RAI2: variants seen among roughly 807,000 people sequenced by gnomAD.
The protein encoded by RAI2 is retinoic acid-induced protein 2.
A neutral mutation model predicts 15.3 loss-of-function variants in RAI2; 5 were observed. The observed-to-expected ratio is 0.33, with a 90% confidence interval of 0.17 to 0.69. The LOEUF (loss-of-function observed/expected upper bound fraction) is 0.69, where lower values mean the gene tolerates loss of function less well. RAI2 is among the 30% of genes least tolerant of loss of function. RAI2 has a pLI of 0.69. For missense variants in RAI2, 424 were observed against 424.7 expected, an observed-to-expected ratio of 1.00 and a Z score of 0.01; for synonymous variants, 191 against 184.0, an observed-to-expected ratio of 1.04 and a Z score of -0.31.
chrX:17,832,485 C>T (rs764489697), intron 1 of RAI2, among the ~76,000 whole-genome samples: 6 of 112,012 alleles, frequency 5.4e-5, no homozygotes, highest in African/African-American at 1.6e-4. Context: ...TTCTGCCCAA[C>T]GACAAATGAC....
chrX:17,836,611 G>C (rs889467478), intron 1 of RAI2, among the ~76,000 whole-genome samples: 1 of 111,971 alleles, frequency 8.9e-6, no homozygotes, highest in African/African-American at 3.3e-5. Context: ...TATTTATTAT[G>C]GTCCTCCCCT....
intron 1 of RAI2, among the ~76,000 whole-genome samples, chrX:17,841,036 A>T (rs1460771970): frequency 8.9e-6 from 1 of 112,156 alleles, no homozygotes; most frequent in Non-Finnish European, 1.9e-5. Context: ...CCAGTCTGCA[A>T]ATAGCTGATG....
At position 17,802,049 on chromosome X, in the gene RAI2, A is replaced by G; in HGVS notation, c.-24-15T>C. On this transcript the variant is annotated splice_polypyrimidine_tract_variant and intron_variant, in intron 1 of 1. Transcript: ENST00000451717. ...TGCCACTTGGCCTGCAACACAGAAC[A>G]TACAATATGAATCTTCCTTAAAAGA... 2 of 1,155,149 alleles carry G rather than the reference A, an allele frequency of 1.7e-6. No homozygotes were observed. Among genetic ancestry groups the G allele is most frequent in the Non-Finnish European group, 2.3e-6 (2 of 865,648 alleles).
Position 17,801,234 on chromosome X carries a change from C to G in RAI2, c.777G>C (p.Lys259Asn). The stretch of plus-strand genomic sequence containing the variant: ...GTGGCTTGGGGAAACTGGAGCTGAA[C>G]TTGGATTCAGAACTCTGAGGCATCG... ...PIPMPQSSESKFSSSFPKPPS... is the reference protein window; with the variant it reads ...PIPMPQSSESNFSSSFPKPPS... Residue 259 changes from lysine (K) to asparagine (N), a missense_variant, in exon 2 of 2, where the codon AAG (lysine) becomes AAC (asparagine). By Grantham distance (94) the Lys-to-Asn change is moderately conservative (BLOSUM62 0). Coordinates refer to ENST00000451717, the MANE Select transcript of RAI2 (RefSeq NM_021785.6). 8.3e-7 allele frequency: 1 copy of G among 1,209,403 alleles called. No individual in the cohort carries two copies.
At chrX:17,844,094 C>T (rs915627722) in intron 1 of RAI2, among the ~76,000 whole-genome samples, 1 of 112,297 alleles carries the variant, frequency 8.9e-6, no homozygotes, top group African/African-American at 3.2e-5. Context: ...TTTGCTGATG[C>T]CGCTCCAGAC....
chrX:17,825,161 G>A (rs958957686), intron 1 of RAI2, among the ~76,000 whole-genome samples: 2 of 112,474 alleles, frequency 1.8e-5, no homozygotes, highest in Non-Finnish European at 1.9e-5. Context: ...GCAGTGGGGG[G>A]AAAAAAATCA....
chrX:17,822,879 A>AT (rs1279370626), intron 1 of RAI2, among the ~76,000 whole-genome samples: 1 of 112,541 alleles, frequency 8.9e-6, no homozygotes, highest in African/African-American at 3.2e-5. Flanking sequence ...AAGCTGTTGA[A>AT]TGATTCTCTT....
At chrX:17,843,963 T>C (rs778299091) in intron 1 of RAI2, among the ~76,000 whole-genome samples, 2 of 112,437 alleles carry the variant, frequency 1.8e-5, no homozygotes, top group Middle Eastern at 4.6e-3. Flanking sequence ...TTATTTCTTT[T>C]CCATTTCAGG....
At chrX:17,811,609 T>C (rs1432159799) in intron 1 of RAI2, among the ~76,000 whole-genome samples, 1 of 112,226 alleles carries the variant, frequency 8.9e-6, no homozygotes, top group East Asian at 2.8e-4. Flanking sequence ...TAGCAGGACA[T>C]TTTCCAGAGA....
chrX:17,800,249 A>G lies in RAI2; in HGVS notation c.*169T>C. On this transcript the variant is annotated 3_prime_UTR_variant, in exon 2 of 2. Transcript: ENST00000451717. Reference sequence around the variant, plus strand: ...ACTCATTTGTGAAAAGTCAAAAATTAAAAAAGAAAATGATACTAGCATACA... The same window carrying G: ...ACTCATTTGTGAAAAGTCAAAAATTGAAAAAGAAAATGATACTAGCATACA... The G allele has an allele frequency of 1.6e-6, 1 of 638,003 alleles. No homozygotes were observed. The highest frequency in any genetic ancestry group is 2.2e-6 in the Non-Finnish European group (1 of 455,073). 52.6% of individuals were successfully genotyped at this position (638,003 alleles called of 1,213,427 possible). A position where few individuals can be genotyped will look rare whatever the true frequency, so the allele number is the denominator to read the frequency against.
At chrX:17,856,876 G>A (rs907515641) in intron 1 of RAI2, among the ~76,000 whole-genome samples, 1 of 112,009 alleles carries the variant, frequency 8.9e-6, no homozygotes, top group African/African-American at 3.3e-5. Context: ...GTGTTCGTGT[G>A]TGTGTTCTTG....
At chrX:17,856,111 C>A (rs763926921) in intron 1 of RAI2, among the ~76,000 whole-genome samples, 1 of 112,096 alleles carries the variant, frequency 8.9e-6, no homozygotes, top group Non-Finnish European at 1.9e-5. Context: ...GCAGAGTGTG[C>A]TCCAAAGTTC....
intron 1 of RAI2, among the ~76,000 whole-genome samples, chrX:17,824,773 T>C (rs2067208252): frequency 8.9e-6 from 1 of 111,953 alleles, no homozygotes. Flanking sequence ...TTTCTGCAAA[T>C]GGGATGGATT....
At chrX:17,812,164 CCATTGGCAT>C (rs1046212738) in intron 1 of RAI2, among the ~76,000 whole-genome samples, 2 of 111,762 alleles carry the variant, frequency 1.8e-5, no homozygotes, top group African/African-American at 6.5e-5. Flanking sequence ...CATCATTGTG[CCATTGGCAT>C]CATTGGCATC....
In RAI2 at chrX:17,826,296, A is replaced by G. The variant is rs5955595; in HGVS notation, c.-24-24262T>C. On this transcript the variant is annotated intron_variant, in intron 1 of 1. Coordinates refer to ENST00000451717, the MANE Select transcript of RAI2 (RefSeq NM_021785.6). ...ACCATTTGGAACAGTCACCACCTCCATCCCAGTTTTCCTCTCTCATATCAG... is the reference window on the plus strand; with the variant it reads ...ACCATTTGGAACAGTCACCACCTCCGTCCCAGTTTTCCTCTCTCATATCAG... 9.6e-3 allele frequency among the ~76,000 whole-genome samples: 1,013 copies of G among 105,813 alleles called. 12 individuals carry two copies. The highest frequency in any genetic ancestry group is 0.032 in the African/African-American group (928 of 28,604). The allele number at this position is 105,813 out of a possible 115,157, so 91.9% of individuals were successfully genotyped here.
At chrX:17,822,337 G>C (rs1222171886) in intron 1 of RAI2, among the ~76,000 whole-genome samples, 1 of 111,987 alleles carries the variant, frequency 8.9e-6, no homozygotes, top group African/African-American at 3.3e-5. Flanking sequence ...GATAAAAACA[G>C]GAGAGAGACC....
At chrX:17,854,370 A>G (rs73447877) in intron 1 of RAI2, among the ~76,000 whole-genome samples, 1 of 112,151 alleles carries the variant, frequency 8.9e-6, no homozygotes, top group Non-Finnish European at 1.9e-5. Context: ...CTTTCAGAGA[A>G]TCTTAAGAAC....
At chrX:17,820,437 G>A (rs904634682) in intron 1 of RAI2, among the ~76,000 whole-genome samples, 2 of 111,922 alleles carry the variant, frequency 1.8e-5, no homozygotes, top group African/African-American at 6.5e-5. Flanking sequence ...GTGGGTCTCT[G>A]GGATGCGGCA....
intron 1 of RAI2, among the ~76,000 whole-genome samples, chrX:17,825,335 T>G (rs768843976): frequency 1.8e-5 from 2 of 112,763 alleles, no homozygotes; most frequent in East Asian, 5.6e-4. Flanking sequence ...CTTTAAGGAT[T>G]TATTCTGAGG....
Sources: allele counts gnomAD v4.1 joint callset (sites outside exome capture counted in the v4.1 genomes callset), GRCh38; gene constraint gnomAD v4.1.1; transcripts MANE v1.5; gene names NCBI Gene and HGNC (gene_info 2026-07-23, HGNC 2026-07-21).